MYO16: variants seen among roughly 807,000 people sequenced by gnomAD.
The protein encoded by MYO16 is unconventional myosin-XVI.
In MYO16, 94 loss-of-function variants were observed where a neutral mutation model predicts 205.3. The observed-to-expected ratio is 0.46, with a 90% confidence interval of 0.39 to 0.54. The LOEUF is 0.54. MYO16 is among the 20% of genes least tolerant of loss of function. MYO16 has a pLI of 0.00. For synonymous variants in MYO16, 988 were observed against 954.0 expected, an observed-to-expected ratio of 1.04 and a Z score of -0.66; for missense variants, 2,315 against 2,387.5, an observed-to-expected ratio of 0.97 and a Z score of 0.63.
chr13:109,103,720 G>A (rs557815651), intron 28 of MYO16, among the ~76,000 whole-genome samples: 1 of 152,242 alleles, frequency 6.6e-6, no homozygotes, highest in South Asian at 2.1e-4. Context: ...CAACATTGTA[G>A]CAATTCAGTA....
chr13:108,914,627 C>T (rs1881408151), intron 16 of MYO16, among the ~76,000 whole-genome samples: 1 of 152,112 alleles, frequency 6.6e-6, no homozygotes. Context: ...ATTAGACCTC[C>T]AGAGAGAAGA....
intron 32 of MYO16, among the ~76,000 whole-genome samples, chr13:109,161,474 T>C (rs1010301826): frequency 3.2e-4 from 49 of 152,010 alleles, no homozygotes; most frequent in Admixed American, 6.6e-5. Context: ...ATCTCGAAAA[T>C]AGGTGTAATA....
intron 21 of MYO16, among the ~76,000 whole-genome samples, chr13:108,997,270 G>C (rs1185492500): frequency 2.0e-5 from 3 of 149,986 alleles, no homozygotes. Flanking sequence ...CTCCCATCTG[G>C]GTGACAGAAC....
At chr13:108,885,916 G>C (rs1879848774) in intron 13 of MYO16, among the ~76,000 whole-genome samples, 1 of 152,070 alleles carries the variant, frequency 6.6e-6, no homozygotes, top group Admixed American at 6.6e-5. Context: ...TAACCCAACA[G>C]TTTTGACAGG....
At chr13:108,745,189 A>T (rs1411882406) in intron 4 of MYO16, among the ~76,000 whole-genome samples, 2 of 152,204 alleles carry the variant, frequency 1.3e-5, no homozygotes, top group African/African-American at 4.8e-5. Flanking sequence ...GGGGATGAAG[A>T]TGGTCTGGAG....
Position 109,034,271 on chromosome 13 carries a change from A to G in MYO16, c.2797-12645A>G, listed in dbSNP as rs75940120. ...AATGTATATGATATGCTTAGGCTTTATGTCCCCACCCAAATCTCATCTTGA... is the reference window on the plus strand; with the variant it reads ...AATGTATATGATATGCTTAGGCTTTGTGTCCCCACCCAAATCTCATCTTGA... On this transcript the variant is annotated intron_variant, in intron 23 of 34. Coordinates refer to ENST00000457511, the MANE Select transcript of MYO16 (RefSeq NM_001198950.3). Among the ~76,000 whole-genome samples the G allele has an allele frequency of 1.7e-3, 264 of 152,340 alleles. 10 individuals are homozygous for G. In the South Asian group the frequency reaches 0.052, roughly 30 times the overall value.
At position 108,872,457 on chromosome 13, in the gene MYO16, C is replaced by T. The variant is rs74119685; in HGVS notation, c.1425+6215C>T. ...AGTAGTATTAGGGCTTCAGATAATA[C>T]GTTGTATTTGCAGTTTTTTCAGAAA... On this transcript the variant is annotated intron_variant, in intron 12 of 34. Transcript: ENST00000457511. Among the ~76,000 whole-genome samples, 644 of 151,842 alleles carry T rather than the reference C, an allele frequency of 4.2e-3. 3 individuals are homozygous for T. The highest frequency in any genetic ancestry group is 0.015 in the African/African-American group (610 of 41,422).
At chr13:108,827,087 A>G (rs560818967) in intron 9 of MYO16, among the ~76,000 whole-genome samples, 10 of 152,296 alleles carry the variant, frequency 6.6e-5, no homozygotes, top group African/African-American at 2.4e-4. Context: ...AAACCTGTAC[A>G]TAAATATTCA....
At chr13:109,014,162 T>C (rs937058924) in intron 22 of MYO16, among the ~76,000 whole-genome samples, 4 of 152,208 alleles carry the variant, frequency 2.6e-5, no homozygotes, top group African/African-American at 9.6e-5. Flanking sequence ...AAGGAAGGGA[T>C]CCAGTTTCAG....
chr13:108,571,877 G>A, the MYO16 span, among the ~76,000 whole-genome samples: 2 of 151,022 alleles, frequency 1.3e-5, no homozygotes, highest in African/African-American at 2.4e-5. Context: ...AGCAATCACT[G>A]ACACAACCCC....
intron 23 of MYO16, among the ~76,000 whole-genome samples, chr13:109,036,742 G>T (rs547726031): frequency 4.6e-5 from 7 of 152,122 alleles, no homozygotes; most frequent in Non-Finnish European, 7.4e-5. Context: ...CATGAGAGAC[G>T]CTGCCATGTA....
chr13:108,584,251 C>T, the MYO16 span, among the ~76,000 whole-genome samples: 1 of 152,150 alleles, frequency 6.6e-6, no homozygotes, highest in Non-Finnish European at 1.5e-5. Flanking sequence ...CGCACCCAGC[C>T]TAAAGTAGTC....
intron 3 of MYO16, among the ~76,000 whole-genome samples, chr13:108,725,076 C>G (rs554973461): frequency 2.6e-5 from 4 of 152,186 alleles, no homozygotes; most frequent in African/African-American, 9.6e-5. Flanking sequence ...TCTGAAATAT[C>G]TAGTCTGCTG....
chr13:108,846,261 T>C (rs1221393289), intron 10 of MYO16, among the ~76,000 whole-genome samples: 1 of 152,154 alleles, frequency 6.6e-6, no homozygotes, highest in Non-Finnish European at 1.5e-5. Flanking sequence ...TCATTACAGA[T>C]ATTTAAGACT....
intron 1 of MYO16, among the ~76,000 whole-genome samples, chr13:108,654,009 A>C (rs1326058878): frequency 1.1e-4 from 16 of 152,050 alleles, no homozygotes; most frequent in Non-Finnish European, 1.5e-5. Context: ...TTTAGGGTAC[A>C]AGTCACAGCA....
chr13:108,749,121 G>A (rs965110035), intron 4 of MYO16, among the ~76,000 whole-genome samples: 20 of 151,538 alleles, frequency 1.3e-4, no homozygotes, highest in Admixed American at 9.9e-4. Flanking sequence ...GCTAAATCAA[G>A]CTAATTAACA....
Position 108,620,557 on chromosome 13 carries a change from A to C in MYO16, c.-39+24318A>C, listed in dbSNP as rs1879502316. Among the ~76,000 whole-genome samples the C allele has an allele frequency of 2.0e-5, 3 of 152,178 alleles. No individual in the cohort carries two copies. In the South Asian group the frequency reaches 6.2e-4, roughly 31 times the overall value. On this transcript the variant is annotated intron_variant, in intron 1 of 24. Transcript: ENST00000251041. ...GGGATGAGAGGTTTCCAGTATTGGC[A>C]ACATTAGATAAATTAAGGAAATATT...
chr13:108,587,874 C>T, the MYO16 span, among the ~76,000 whole-genome samples: 1 of 149,640 alleles, frequency 6.7e-6, no homozygotes, highest in Non-Finnish European at 1.5e-5. Context: ...TCATCTGGGT[C>T]ATAAGTTACC....
At chr13:109,126,412 C>T (rs568204121) in intron 30 of MYO16, among the ~76,000 whole-genome samples, 4 of 152,200 alleles carry the variant, frequency 2.6e-5, no homozygotes, top group East Asian at 1.9e-4. Context: ...TAAAAACAAA[C>T]GCTTGGAAAC....
Sources: allele counts gnomAD v4.1 joint callset (sites outside exome capture counted in the v4.1 genomes callset), GRCh38; gene constraint gnomAD v4.1.1; transcripts MANE v1.5; gene names NCBI Gene and HGNC (gene_info 2026-07-23, HGNC 2026-07-21).